MDFIC2: variants seen among roughly 807,000 people sequenced by gnomAD.
The protein encoded by MDFIC2 is MyoD family inhibitor domain containing 2.
rs75742587 is a variant in MDFIC2 at position 70,221,164 on chromosome 3, G to A, written c.89-14374C>T. Among the ~76,000 whole-genome samples, 1,298 of 152,164 alleles carry A rather than the reference G, an allele frequency of 8.5e-3. 21 individuals are homozygous for A. Among genetic ancestry groups the A allele is most frequent in the African/African-American group, 0.029 (1,220 of 41,510 alleles). Reference sequence around the variant, plus strand: ...TAAAATTTTAGATGTGGAATAAACCGTAGATGTCAGTGAGTTTCCTCTCCC... The same window carrying A: ...TAAAATTTTAGATGTGGAATAAACCATAGATGTCAGTGAGTTTCCTCTCCC... On this transcript the variant is annotated intron_variant, in intron 2 of 3. Transcript: ENST00000567252.
intron 2 of MDFIC2, among the ~76,000 whole-genome samples, chr3:70,246,220 G>T (rs1356898424): frequency 6.6e-6 from 1 of 151,922 alleles, no homozygotes; most frequent in African/African-American, 2.4e-5. Context: ...TTTAATTTTT[G>T]ATATTTTTAT....
chr3:70,285,429 T>A (rs992728322), intron 2 of MDFIC2, among the ~76,000 whole-genome samples: 5 of 152,170 alleles, frequency 3.3e-5, no homozygotes, highest in African/African-American at 1.2e-4. Flanking sequence ...GGTGTATATA[T>A]GCCACATTTT....
intron 2 of MDFIC2, among the ~76,000 whole-genome samples, chr3:70,233,393 G>T (rs1179704076): frequency 6.6e-6 from 1 of 152,096 alleles, no homozygotes; most frequent in Admixed American, 6.5e-5. Context: ...TCACAATACA[G>T]GTATCTAATA....
intron 2 of MDFIC2, among the ~76,000 whole-genome samples, chr3:70,208,390 G>A (rs934117225): frequency 2.0e-5 from 3 of 152,030 alleles, no homozygotes; most frequent in African/African-American, 7.2e-5. Context: ...CCCTTTCCAA[G>A]GTTGTTTCTT....
chr3:70,289,358 T>A (rs1171366721), intron 2 of MDFIC2, among the ~76,000 whole-genome samples: 1 of 151,108 alleles, frequency 6.6e-6, no homozygotes, highest in African/African-American at 2.4e-5. Context: ...GGTTGAAAAT[T>A]CTTTTCTTTA....
At chr3:70,204,281 A>G (rs1559534288) in intron 3 of MDFIC2, among the ~76,000 whole-genome samples, 1 of 152,086 alleles carries the variant, frequency 6.6e-6, no homozygotes, top group Non-Finnish European at 1.5e-5. Flanking sequence ...ATATTTCTGT[A>G]TTTATCTCAG....
At chr3:70,295,852 G>A (rs1702284987) in intron 2 of MDFIC2, among the ~76,000 whole-genome samples, 1 of 152,162 alleles carries the variant, frequency 6.6e-6, no homozygotes, top group South Asian at 2.1e-4. Context: ...GAAGCTGAAT[G>A]TGGTTTAATA....
intron 2 of MDFIC2, among the ~76,000 whole-genome samples, chr3:70,271,223 G>GATCT (rs1452338075): frequency 6.6e-5 from 10 of 152,044 alleles, no homozygotes; most frequent in Admixed American, 2.6e-4. Context: ...ATTTATCATT[G>GATCT]ATCTACCTTA....
chr3:70,214,079 A>G (rs1576157832), intron 2 of MDFIC2, among the ~76,000 whole-genome samples: 1 of 152,070 alleles, frequency 6.6e-6, no homozygotes, highest in African/African-American at 2.4e-5. Context: ...AAATTTCCTC[A>G]CCTTTTTGAA....
At position 70,257,255 on chromosome 3, in the gene MDFIC2, C is replaced by G. The variant is rs1701825663; in HGVS notation, c.89-50465G>C. Reference sequence around the variant, plus strand: ...CCCCATTCCTTAAAACCTGGCACATCTGGCCATTCAAAAAAGTTCAAGAAT... The same window carrying G: ...CCCCATTCCTTAAAACCTGGCACATGTGGCCATTCAAAAAAGTTCAAGAAT... On this transcript the variant is annotated intron_variant, in intron 2 of 3. Transcript: ENST00000567252. Among the ~76,000 whole-genome samples the G allele has an allele frequency of 2.6e-5, 4 of 152,158 alleles. No individual in the cohort carries two copies. The South Asian group carries it at 8.3e-4, about 32-fold the overall frequency.
rs967063470 is a variant in MDFIC2, at chr3:70,195,293, G to A, written c.*1633C>T. On this transcript the variant is annotated 3_prime_UTR_variant, in exon 4 of 4. Transcript: ENST00000567252. ...TCTTCGAGCTTCTGAAAAGCAGAAA[G>A]ACTTTTTCATGGAAGGTGTGGGGCA... 6.6e-6 allele frequency among the ~76,000 whole-genome samples: 1 copy of A among 152,112 alleles called. No homozygotes were observed. Among genetic ancestry groups the A allele is most frequent in the Admixed American group, 6.5e-5 (1 of 15,276 alleles).
chr3:70,259,460 G>C (rs1701845679), intron 2 of MDFIC2, among the ~76,000 whole-genome samples: 1 of 151,994 alleles, frequency 6.6e-6, no homozygotes, highest in African/African-American at 2.4e-5. Context: ...CTCACACCCA[G>C]GTCTGGGAGG....
At chr3:70,238,382 G>A (rs990777297) in intron 2 of MDFIC2, among the ~76,000 whole-genome samples, 3 of 152,090 alleles carry the variant, frequency 2.0e-5, no homozygotes, top group Admixed American at 1.3e-4. Flanking sequence ...GCTGAGGCAA[G>A]AGGATCATTT....
At chr3:70,241,001 C>A (rs1701662622) in intron 2 of MDFIC2, among the ~76,000 whole-genome samples, 1 of 152,090 alleles carries the variant, frequency 6.6e-6, no homozygotes, top group African/African-American at 2.4e-5. Context: ...CAAGGATATT[C>A]ATTTTTTCGT....
intron 2 of MDFIC2, among the ~76,000 whole-genome samples, chr3:70,244,411 T>A (rs1322239303): frequency 6.6e-6 from 1 of 152,180 alleles, no homozygotes; most frequent in African/African-American, 2.4e-5. Context: ...GCATTCTATT[T>A]GCTACTGAAA....
rs924118291 is a variant in MDFIC2, at chr3:70,206,729, A to G, written c.150T>C (p.Asn50=). 7 of 397,754 alleles carry G rather than the reference A, an allele frequency of 1.8e-5. No individual in the cohort carries two copies. Among genetic ancestry groups the G allele is most frequent in the Middle Eastern group, 6.2e-4 (1 of 1,604 alleles). The allele number at this position is 397,754 out of a possible 1,614,324, so 24.6% of individuals were successfully genotyped here. A position where few individuals can be genotyped will look rare whatever the true frequency, so the allele number is the denominator to read the frequency against. The part of the protein sequence containing the change: ...DEKPINAIVI[N]SVSDFNITDG... ...CTGTGATATTGAAGTCAGATACTGAATTTATAACAATAGCATTAATGGGTT... is the reference window on the plus strand; with the variant it reads ...CTGTGATATTGAAGTCAGATACTGAGTTTATAACAATAGCATTAATGGGTT... Residue 50 remains asparagine, a synonymous_variant, in exon 3 of 4, where the codon AAT becomes AAC. Coordinates refer to ENST00000567252, the MANE Select transcript of MDFIC2 (RefSeq NM_001364677.1).
intron 2 of MDFIC2, among the ~76,000 whole-genome samples, chr3:70,304,745 G>A (rs1251548941): frequency 2.0e-5 from 3 of 152,064 alleles, no homozygotes; most frequent in African/African-American, 7.2e-5. Flanking sequence ...TTTACCTCAT[G>A]CAATATAAAT....
chr3:70,291,459 G>A (rs748170680), intron 2 of MDFIC2, among the ~76,000 whole-genome samples: 2 of 152,122 alleles, frequency 1.3e-5, no homozygotes, highest in Admixed American at 6.5e-5. Context: ...GATGGACCTA[G>A]AATCTTGTCT....
intron 2 of MDFIC2, among the ~76,000 whole-genome samples, chr3:70,293,958 A>T (rs557265254): frequency 3.3e-5 from 5 of 152,198 alleles, no homozygotes; most frequent in African/African-American, 1.2e-4. Context: ...CAGAGGGAGC[A>T]TACAAGCAGA....
Sources: gnomAD v4.1 joint callset for allele counts (sites outside exome capture counted in the v4.1 genomes callset) on GRCh38, gnomAD v4.1.1 for gene constraint, MANE v1.5 for transcripts, NCBI Gene and HGNC (gene_info 2026-07-23, HGNC 2026-07-21) for gene names.